The following THSD4 variants were observed in gnomAD, a reference collection of about 807,000 sequenced individuals.
THSD4 encodes thrombospondin type-1 domain-containing protein 4.
A neutral mutation model predicts 119.0 loss-of-function variants in THSD4; 69 were observed. That is an observed-to-expected ratio of 0.58 (90% CI 0.48 to 0.71). The LOEUF is 0.71. THSD4 is among the 30% of genes least tolerant of loss of function. The pLI is 0.00. For synonymous variants in THSD4, 524 were observed against 540.4 expected, an observed-to-expected ratio of 0.97 and a Z score of 0.42; for missense variants, 1,393 against 1,391.1, an observed-to-expected ratio of 1.00 and a Z score of -0.02.
In THSD4 at chr15:71,310,286, C is replaced by T. The variant is rs530006982; in HGVS notation, c.1015+53571C>T. On this transcript the variant is annotated intron_variant, in intron 6 of 17. Transcript: ENST00000261862. ...GTTTATCACTAAGTTGAAAGGATGCCTGGAACATATGTAAATGTCTCTGTG... is the reference window on the plus strand; with the variant it reads ...GTTTATCACTAAGTTGAAAGGATGCTTGGAACATATGTAAATGTCTCTGTG... Among the ~76,000 whole-genome samples the T allele has an allele frequency of 5.9e-5, 9 of 152,202 alleles. No homozygotes were observed. In the East Asian group the frequency reaches 1.7e-3, roughly 29 times the overall value.
chr15:71,481,760 C>G (rs909383263), intron 7 of THSD4, among the ~76,000 whole-genome samples: 6 of 152,236 alleles, frequency 3.9e-5, no homozygotes, highest in African/African-American at 1.4e-4. Flanking sequence ...TTTCTATTGG[C>G]TAGAGTATTA....
chr15:71,778,493 A>G lies in THSD4; in HGVS notation c.*1119A>G, dbSNP rs1181811721. On this transcript the variant is annotated 3_prime_UTR_variant, in exon 18 of 18. Transcript: ENST00000261862. ...TCCCGACCACAGAGCCAACTTGTGAAGCACACAGCTCTGCAGCCTGGGCTC... is the reference window on the plus strand; with the variant it reads ...TCCCGACCACAGAGCCAACTTGTGAGGCACACAGCTCTGCAGCCTGGGCTC... 3 of 152,434 alleles carry G rather than the reference A, an allele frequency of 2.0e-5. No individual in the cohort carries two copies. Among genetic ancestry groups the G allele is most frequent in the Admixed American group, 2.0e-4 (3 of 15,288 alleles). The allele number at this position is 152,434 out of a possible 1,614,324, so 9.4% of individuals were successfully genotyped here.
chr15:71,644,800 G>C (rs934301203), intron 7 of THSD4, among the ~76,000 whole-genome samples: 3 of 152,042 alleles, frequency 2.0e-5, no homozygotes, highest in Admixed American at 2.0e-4. Context: ...TTTGAGGCAG[G>C]GATTTCTCTA....
At chr15:71,397,076 T>C (rs939878748) in intron 6 of THSD4, among the ~76,000 whole-genome samples, 1 of 152,220 alleles carries the variant, frequency 6.6e-6, no homozygotes, top group Non-Finnish European at 1.5e-5. Flanking sequence ...GTGAGAACAA[T>C]GGTCTTGCAT....
At chr15:71,654,254 G>A (rs568750742) in intron 7 of THSD4, among the ~76,000 whole-genome samples, 1 of 152,296 alleles carries the variant, frequency 6.6e-6, no homozygotes, top group African/African-American at 2.4e-5. Flanking sequence ...TTACCTTCAT[G>A]TCTCCGCTGC....
chr15:71,133,120 C>G (rs976659183), intron 1 of THSD4, among the ~76,000 whole-genome samples: 4 of 152,212 alleles, frequency 2.6e-5, no homozygotes, highest in African/African-American at 9.6e-5. Flanking sequence ...ATAAACTGCT[C>G]TTGGCAGCGG....
chr15:71,434,705 G>A (rs1271523695), intron 7 of THSD4, among the ~76,000 whole-genome samples: 1 of 151,982 alleles, frequency 6.6e-6, no homozygotes, highest in Non-Finnish European at 1.5e-5. Context: ...AAAAGAGAAC[G>A]GAGAAGCTTA....
chr15:71,759,729 T>C (rs1367981262), intron 15 of THSD4, among the ~76,000 whole-genome samples: 1 of 152,244 alleles, frequency 6.6e-6, no homozygotes, highest in Non-Finnish European at 1.5e-5. Flanking sequence ...CTCATATGTC[T>C]ACCATTCTTA....
chr15:71,486,744 T>C (rs181655798), intron 7 of THSD4, among the ~76,000 whole-genome samples: 4 of 152,172 alleles, frequency 2.6e-5, no homozygotes, highest in Admixed American at 2.6e-4. Context: ...TTCTTTGTTG[T>C]GAATGCTGGC....
intron 4 of THSD4, among the ~76,000 whole-genome samples, chr15:71,229,021 A>G (rs2044040111): frequency 6.6e-6 from 1 of 152,230 alleles, no homozygotes; most frequent in Non-Finnish European, 1.5e-5. Flanking sequence ...ATTTTCCAGT[A>G]AGTCCTCACT....
chr15:71,452,290 T>G (rs2047275688), intron 7 of THSD4, among the ~76,000 whole-genome samples: 1 of 152,160 alleles, frequency 6.6e-6, no homozygotes, highest in Non-Finnish European at 1.5e-5. Flanking sequence ...TTTTCCCATT[T>G]GGGAAGGAGG....
chr15:71,429,292 TAGG>T (rs2046913101), intron 7 of THSD4, among the ~76,000 whole-genome samples: 1 of 152,142 alleles, frequency 6.6e-6, no homozygotes, highest in Non-Finnish European at 1.5e-5. Flanking sequence ...AAACGATTGT[TAGG>T]GGGAAATTAA....
intron 3 of THSD4, among the ~76,000 whole-genome samples, chr15:71,193,180 T>C (rs1006810778): frequency 6.6e-6 from 1 of 152,120 alleles, no homozygotes; most frequent in Non-Finnish European, 1.5e-5. Flanking sequence ...AACTCTCAAA[T>C]GGTCCTGCTG....
At chr15:71,498,829 G>A (rs1037771167) in intron 7 of THSD4, among the ~76,000 whole-genome samples, 18 of 150,688 alleles carry the variant, frequency 1.2e-4, no homozygotes, top group African/African-American at 4.4e-4. Context: ...CCAAGTAGCT[G>A]GGACCACAGG....
chr15:71,204,248 CA>C (rs1481438188), intron 3 of THSD4, among the ~76,000 whole-genome samples: 2 of 152,122 alleles, frequency 1.3e-5, no homozygotes, highest in Non-Finnish European at 2.9e-5. Flanking sequence ...AGAGTCAGGT[CA>C]ATTTCAGAAA....
At position 71,737,604 on chromosome 15, in the gene THSD4, T is replaced by C. The variant is rs1304030608; in HGVS notation, c.1631-128T>C. On this transcript the variant is annotated intron_variant, in intron 10 of 17. Transcript: ENST00000261862. The stretch of plus-strand genomic sequence containing the variant: ...TAGGTGTCTGCTTATTTTAAACAGA[T>C]GTGCTTATGTGCTGTGACTTAGAAA... 6.2e-6 allele frequency: 8 copies of C among 1,287,020 alleles called. No homozygotes were observed. In the Admixed American group the frequency reaches 2.1e-4, roughly 35 times the overall value. The allele number at this position is 1,287,020 out of a possible 1,614,324, so 79.7% of individuals were successfully genotyped here. A position where few individuals can be genotyped will look rare whatever the true frequency, so the allele number is the denominator to read the frequency against.
At chr15:71,772,595 T>C (rs2053841417) in intron 17 of THSD4, among the ~76,000 whole-genome samples, 1 of 152,170 alleles carries the variant, frequency 6.6e-6, no homozygotes, top group African/African-American at 2.4e-5. Flanking sequence ...ATTATAAAGC[T>C]ACAGAAACTA....
intron 7 of THSD4, among the ~76,000 whole-genome samples, chr15:71,501,069 G>A (rs889255215): frequency 2.0e-5 from 3 of 152,154 alleles, no homozygotes; most frequent in Admixed American, 2.0e-4. Context: ...GCTTTGGGTA[G>A]CATGGATATT....
At chr15:71,402,884 T>A (rs4315297) in intron 6 of THSD4, among the ~76,000 whole-genome samples, 149,814 of 152,330 alleles carry the variant, frequency 0.98, 73,722 homozygotes, top group East Asian at 1. Context: ...TGTTGTTGAT[T>A]AATACCTTTT....
Sources: gnomAD v4.1 joint callset for allele counts (sites outside exome capture counted in the v4.1 genomes callset) on GRCh38, gnomAD v4.1.1 for gene constraint, MANE v1.5 for transcripts, NCBI Gene and HGNC (gene_info 2026-07-23, HGNC 2026-07-21) for gene names.